C12orf56: variants seen among roughly 807,000 people sequenced by gnomAD.
The protein encoded by C12orf56 is chromosome 12 open reading frame 56, also known as uncharacterized protein C12orf56.
Under a neutral mutation model 69.9 loss-of-function variants are expected in C12orf56, and 71 were observed. The ratio of observed to expected loss-of-function variants is 1.02; its 90% CI spans 0.84 to 1.24. The LOEUF (loss-of-function observed/expected upper bound fraction) is 1.24, where lower values mean the gene tolerates loss of function less well. C12orf56 is among the 50% of genes most tolerant of loss of function. The pLI is 0.00. For missense variants in C12orf56, 732 were observed against 738.5 expected, an observed-to-expected ratio of 0.99 and a Z score of 0.10; for synonymous variants, 276 against 274.1, an observed-to-expected ratio of 1.01 and a Z score of -0.07.
chr12:64,303,858 G>T, intron 5 of C12orf56, 79 bp from the exon 6 acceptor site: 2 of 1,419,670 alleles, frequency 1.4e-6, no homozygotes, highest in Non-Finnish European at 1.9e-6. Flanking sequence ...ATTACTGTCA[G>T]GTTTGTTAAA....
chr12:64,275,028 A>T, intron 10 of C12orf56, 53 bp from the exon 11 acceptor site: 1 of 1,422,618 alleles, frequency 7.0e-7, no homozygotes. Context: ...CAAGTAGTAT[A>T]TAAAAGGATA....
chr12:64,270,604 G>A lies in C12orf56; in HGVS notation c.1695C>T (p.Leu565=). The part of the protein sequence containing the change: ...AVLLYQQFYI[L]KSCLRHSRTL... ...TCCTGCTGTGCCGCAGACAGCTCTT[G>A]AGGATGTAAAATTGCTGGTACAACA... The change falls in exon 12 of 13, where the codon CTC becomes CTT. Residue 565 remains leucine (L), a synonymous_variant. Coordinates refer to ENST00000543942, the MANE Select transcript of C12orf56 (RefSeq NM_001170633.2). The A allele has an allele frequency of 6.2e-7, 1 of 1,613,726 alleles. No homozygotes were observed. The highest frequency in any genetic ancestry group is 8.5e-7 in the Non-Finnish European group (1 of 1,179,778).
At chr12:64,342,502 T>C (rs1380404553) in intron 2 of C12orf56, among the ~76,000 whole-genome samples, 1 of 152,180 alleles carries the variant, frequency 6.6e-6, no homozygotes, top group African/African-American at 2.4e-5. Flanking sequence ...TGATACAGGC[T>C]AGGGGAGAGA....
chr12:64,285,914 CAA>C (rs749297880), intron 7 of C12orf56, 38 bp downstream of exon 7: 1,839 of 1,051,460 alleles, frequency 1.7e-3, no homozygotes, highest in South Asian at 4.5e-3. Flanking sequence ...AACACCCTAG[CAA>C]AAAAAAAAAA....
intron 2 of C12orf56, among the ~76,000 whole-genome samples, chr12:64,348,792 C>G (rs759971008): frequency 2.6e-5 from 4 of 152,130 alleles, no homozygotes; most frequent in Non-Finnish European, 5.9e-5. Flanking sequence ...TTTGTCTTGT[C>G]TTGATCCTCT....
chr12:64,333,380 A>G (rs2038955004), intron 2 of C12orf56, among the ~76,000 whole-genome samples: 1 of 152,036 alleles, frequency 6.6e-6, no homozygotes, highest in African/African-American at 2.4e-5. Flanking sequence ...ATCCAAATTC[A>G]CTAACCAAAC....
chr12:64,376,243 C>T (rs2092656048), intron 1 of C12orf56, among the ~76,000 whole-genome samples: 1 of 152,200 alleles, frequency 6.6e-6, no homozygotes. Flanking sequence ...ACTACCACTT[C>T]TTCAAGCATC....
At chr12:64,309,077 T>G (rs1443477314) in intron 5 of C12orf56, among the ~76,000 whole-genome samples, 1 of 152,238 alleles carries the variant, frequency 6.6e-6, no homozygotes, top group Non-Finnish European at 1.5e-5. Flanking sequence ...TTATCTGTTC[T>G]CTTACATACA....
At chr12:64,343,941 A>G (rs1022834524) in intron 2 of C12orf56, among the ~76,000 whole-genome samples, 5 of 152,100 alleles carry the variant, frequency 3.3e-5, no homozygotes, top group African/African-American at 4.8e-5. Context: ...GCTGTCTGGC[A>G]CTGGGGAAAT....
intron 2 of C12orf56, among the ~76,000 whole-genome samples, chr12:64,334,570 T>C (rs1220230724): frequency 6.6e-6 from 1 of 152,184 alleles, no homozygotes; most frequent in Non-Finnish European, 1.5e-5. Flanking sequence ...CTGTATTGTT[T>C]AGGGAATAAT....
intron 2 of C12orf56, among the ~76,000 whole-genome samples, chr12:64,336,696 A>C (rs1021720193): frequency 2.0e-5 from 3 of 152,194 alleles, no homozygotes; most frequent in African/African-American, 7.2e-5. Flanking sequence ...AGCACCACAC[A>C]GTTTTCTCAC....
At chr12:64,352,774 G>A (rs1053986891) in intron 2 of C12orf56, 120 bp downstream of exon 2, 11 of 877,828 alleles carry the variant, frequency 1.3e-5, no homozygotes, top group South Asian at 3.2e-5. Context: ...TCCTGGCTGC[G>A]TGATAGGAAC....
chr12:64,297,381 C>A (rs1488139770), intron 6 of C12orf56, among the ~76,000 whole-genome samples: 1 of 110,986 alleles, frequency 9.0e-6, no homozygotes, highest in Non-Finnish European at 2.1e-5. Context: ...AGAGACTACC[C>A]ATTTACTTTT....
chr12:64,364,219 G>T (rs970443673), intron 1 of C12orf56, among the ~76,000 whole-genome samples: 2 of 151,942 alleles, frequency 1.3e-5, no homozygotes, highest in Non-Finnish European at 2.9e-5. Context: ...GGAGGTCGAG[G>T]TTGCAGTGAG....
chr12:64,366,990 CATACACTTTATAT>C (rs2039497068), intron 1 of C12orf56, among the ~76,000 whole-genome samples: 1 of 89,036 alleles, frequency 1.1e-5, no homozygotes, highest in African/African-American at 4.7e-5. Flanking sequence ...TTATATATAA[CATACACTTTATAT>C]ATTATATATA....
intron 9 of C12orf56, among the ~76,000 whole-genome samples, chr12:64,276,343 T>C (rs1243432824): frequency 1.3e-5 from 2 of 151,962 alleles, no homozygotes; most frequent in African/African-American, 4.8e-5. Flanking sequence ...ATGAAAGAAA[T>C]GTACAGGAAG....
rs1364100637 is a variant in C12orf56, at chr12:64,277,763, G to T, written c.1351C>A (p.Pro451Thr). The change falls in exon 9 of 13, where the codon CCT becomes ACT. Residue 451 changes from proline to threonine, a missense_variant. Transcript: ENST00000543942. ...FNLLVILISE[P>T]QIPKSCPVFD... is the part of the protein sequence containing the mutation. ...ACAGGACAAGATTTTGGAATCTGAG[G>T]CTCACTAATTAAAATTACCAAGAGA... The T allele has an allele frequency of 3.1e-6, 5 of 1,600,792 alleles. No homozygotes were observed. Among genetic ancestry groups the T allele is most frequent in the Non-Finnish European group, 4.3e-6 (5 of 1,172,344 alleles).
At chr12:64,379,045 C>T (rs1276052822) in intron 1 of C12orf56, among the ~76,000 whole-genome samples, 3 of 133,612 alleles carry the variant, frequency 2.2e-5, no homozygotes, top group Non-Finnish European at 4.7e-5. Context: ...GAATGAAACC[C>T]TGTCTCAAAA....
At chr12:64,365,937 G>C (rs1445204050) in intron 1 of C12orf56, among the ~76,000 whole-genome samples, 4 of 129,594 alleles carry the variant, frequency 3.1e-5, no homozygotes, top group Non-Finnish European at 4.6e-5. Context: ...ATTATGTATA[G>C]TGTATATATT....
Sources: gnomAD v4.1 joint callset for allele counts (sites outside exome capture counted in the v4.1 genomes callset) on GRCh38, gnomAD v4.1.1 for gene constraint, MANE v1.5 for transcripts, NCBI Gene and HGNC (gene_info 2026-07-23, HGNC 2026-07-21) for gene names.